The following SLC9B1 variants were observed in gnomAD, a reference collection of about 807,000 sequenced individuals.
SLC9B1 encodes the protein solute carrier family 9 member B1.
SLC9B1 carries 32 observed loss-of-function variants against 51.7 expected under a neutral mutation model. That is an observed-to-expected ratio of 0.62 (90% CI 0.47 to 0.83). SLC9B1 has a LOEUF of 0.83. SLC9B1 is among the 40% of genes least tolerant of loss of function. The probability of loss-of-function intolerance (pLI) is 0.00; values close to 1 mark genes in which losing one functional copy is unlikely to be tolerated. For synonymous variants in SLC9B1, 145 were observed against 212.7 expected, an observed-to-expected ratio of 0.68 and a Z score of 2.77; for missense variants, 406 against 613.2, an observed-to-expected ratio of 0.66 and a Z score of 3.57.
At chr4:102,939,485 G>T (rs926458256) in intron 6 of SLC9B1, among the ~76,000 whole-genome samples, 4 of 149,692 alleles carry the variant, frequency 2.7e-5, no homozygotes, top group African/African-American at 7.4e-5. Context: ...GTAAAGAAGA[G>T]CTGGTACCAA....
intron 11 of SLC9B1, among the ~76,000 whole-genome samples, 156 bp from the exon 12 acceptor site, chr4:102,901,488 T>C (rs532513103): frequency 0.011 from 1,631 of 152,354 alleles, 14 homozygotes; most frequent in African/African-American, 0.036. Context: ...CAGTTCCATG[T>C]TCTTCCTAGC....
intron 7 of SLC9B1, among the ~76,000 whole-genome samples, chr4:102,925,535 A>G (rs1367018280): frequency 6.6e-6 from 1 of 152,164 alleles, no homozygotes; most frequent in Non-Finnish European, 1.5e-5. Context: ...CATGTACCCT[A>G]GAACTTAAAG....
chr4:103,007,441 T>G (rs1212848133), intron 1 of SLC9B1, among the ~76,000 whole-genome samples: 1 of 152,078 alleles, frequency 6.6e-6, no homozygotes, highest in African/African-American at 2.4e-5. Flanking sequence ...CAATGAGAAT[T>G]ACAAAACACT....
intron 3 of SLC9B1, among the ~76,000 whole-genome samples, chr4:102,951,168 A>G (rs1351649537): frequency 6.6e-6 from 1 of 152,184 alleles, no homozygotes; most frequent in Non-Finnish European, 1.5e-5. Context: ...ACTTATGTGT[A>G]GGGCTCAAAT....
chr4:102,939,580 A>T (rs1212570681), intron 6 of SLC9B1, among the ~76,000 whole-genome samples: 3 of 152,148 alleles, frequency 2.0e-5, no homozygotes, highest in Admixed American at 2.0e-4. Context: ...CAGATATGAA[A>T]ACCTGGCAGA....
intron 1 of SLC9B1, among the ~76,000 whole-genome samples, chr4:103,016,134 C>CA (rs61227731): frequency 0.029 from 1,415 of 49,526 alleles, 50 homozygotes; most frequent in Non-Finnish European, 0.035. Context: ...AACTCTGTCT[C>CA]AAAAAAAAAA....
At chr4:102,992,951 T>TTA (rs1424259951) in intron 1 of SLC9B1, among the ~76,000 whole-genome samples, 1 of 152,130 alleles carries the variant, frequency 6.6e-6, no homozygotes. Flanking sequence ...TGCCAGACAC[T>TTA]TATAAAACCA....
At chr4:102,997,613 T>G (rs1740296483) in intron 1 of SLC9B1, among the ~76,000 whole-genome samples, 1 of 152,160 alleles carries the variant, frequency 6.6e-6, no homozygotes, top group Non-Finnish European at 1.5e-5. Context: ...AATATAAGTT[T>G]TATTTCTTCC....
intron 1 of SLC9B1, among the ~76,000 whole-genome samples, chr4:103,012,798 T>C (rs1437676744): frequency 6.6e-6 from 1 of 152,188 alleles, no homozygotes; most frequent in Non-Finnish European, 1.5e-5. Flanking sequence ...CATTGTATTC[T>C]CTGAAGGGAA....
chr4:102,919,555 T>C (rs2110441607), intron 7 of SLC9B1, among the ~76,000 whole-genome samples: 1 of 152,102 alleles, frequency 6.6e-6, no homozygotes, highest in Admixed American at 6.6e-5. Flanking sequence ...TTGGGACTGG[T>C]TGGAGAGTGG....
chr4:102,894,901 C>A (rs1448761046), intron 11 of SLC9B1, among the ~76,000 whole-genome samples: 4 of 152,128 alleles, frequency 2.6e-5, no homozygotes, highest in Admixed American at 2.6e-4. Context: ...CCACTGCACT[C>A]CAGCCTGGGT....
intron 3 of SLC9B1, among the ~76,000 whole-genome samples, chr4:102,974,422 G>A (rs1738949788): frequency 6.6e-6 from 1 of 151,840 alleles, no homozygotes; most frequent in South Asian, 2.1e-4. Flanking sequence ...CTTCTGGTAA[G>A]ATTGATTAAT....
downstream of SLC9B1, among the ~76,000 whole-genome samples, chr4:102,900,493 A>G (rs76337843): frequency 8.7e-6 from 1 of 115,102 alleles, no homozygotes; most frequent in African/African-American, 3.3e-5. Flanking sequence ...AAATAAAAAT[A>G]TAGATAGTGT....
At chr4:102,916,357 A>G (rs1174027484) in intron 7 of SLC9B1, among the ~76,000 whole-genome samples, 1 of 152,228 alleles carries the variant, frequency 6.6e-6, no homozygotes, top group Non-Finnish European at 1.5e-5. Flanking sequence ...ACATAATAAT[A>G]AAAGGGCCAA....
intron 3 of SLC9B1, among the ~76,000 whole-genome samples, chr4:102,964,304 T>C (rs1188591340): frequency 6.6e-6 from 1 of 151,552 alleles, no homozygotes; most frequent in Non-Finnish European, 1.5e-5. Flanking sequence ...GCATCAGTAA[T>C]TTCAAATCTT....
chr4:102,955,664 C>T (rs1277990851), intron 3 of SLC9B1, among the ~76,000 whole-genome samples: 11 of 151,758 alleles, frequency 7.2e-5, no homozygotes, highest in Non-Finnish European at 1.3e-4. Flanking sequence ...GAAGACAAGA[C>T]AAAAATTTAA....
At chr4:102,951,588 T>C (rs1737558104) in intron 3 of SLC9B1, among the ~76,000 whole-genome samples, 1 of 146,020 alleles carries the variant, frequency 6.8e-6, no homozygotes, top group South Asian at 2.2e-4. Context: ...TTTACTCAAC[T>C]AAAAAAAAAA....
At chr4:102,990,155 C>T (rs1578405039) in intron 2 of SLC9B1, among the ~76,000 whole-genome samples, 1 of 152,122 alleles carries the variant, frequency 6.6e-6, no homozygotes, top group Non-Finnish European at 1.5e-5. Context: ...CTTTTATAGA[C>T]TTGGGTCCCC....
At chr4:102,893,302 A>AAAAG (rs1734362707) in intron 11 of SLC9B1, among the ~76,000 whole-genome samples, 5 of 147,944 alleles carry the variant, frequency 3.4e-5, no homozygotes, top group African/African-American at 5.1e-5. Flanking sequence ...AAAAAAAAAA[A>AAAAG]AAAGAAAAAG....
Sources: gnomAD v4.1 joint callset for allele counts (sites outside exome capture counted in the v4.1 genomes callset) on GRCh38, gnomAD v4.1.1 for gene constraint, MANE v1.5 for transcripts, NCBI Gene and HGNC (gene_info 2026-07-23, HGNC 2026-07-21) for gene names.